Variants in MEI4 observed in about 807,000 individuals in gnomAD.
MEI4 encodes meiotic double-stranded break formation protein 4.
Under a neutral mutation model 31.4 loss-of-function variants are expected in MEI4, and 27 were observed. That is an observed-to-expected ratio of 0.86 (90% CI 0.63 to 1.19). The LOEUF (loss-of-function observed/expected upper bound fraction) is 1.19. MEI4 is among the 50% of genes most tolerant of loss of function. The probability of loss-of-function intolerance (pLI) is 0.00; values close to 1 mark genes in which losing one functional copy is unlikely to be tolerated. For synonymous variants in MEI4, 122 were observed against 145.4 expected, an observed-to-expected ratio of 0.84 and a Z score of 1.16; for missense variants, 329 against 398.9, an observed-to-expected ratio of 0.82 and a Z score of 1.49.
At chr6:77,805,973 G>T (rs1195151516) in intron 3 of MEI4, among the ~76,000 whole-genome samples, 1 of 152,034 alleles carries the variant, frequency 6.6e-6, no homozygotes, top group Non-Finnish European at 1.5e-5. Context: ...AGGATGTAAA[G>T]AATATTTCTT....
intron 4 of MEI4, among the ~76,000 whole-genome samples, chr6:77,863,957 A>T (rs975068444): frequency 1.3e-5 from 2 of 152,230 alleles, no homozygotes; most frequent in Admixed American, 1.3e-4. Context: ...TTTTGAACCC[A>T]GAATTTCATA....
At chr6:77,850,505 C>G (rs1051645699) in intron 4 of MEI4, among the ~76,000 whole-genome samples, 1 of 151,976 alleles carries the variant, frequency 6.6e-6, no homozygotes, top group South Asian at 2.1e-4. Context: ...ATCTGATCTC[C>G]GACAAACCTG....
At chr6:77,659,350 C>T (rs1768458357) in intron 1 of MEI4, among the ~76,000 whole-genome samples, 1 of 152,102 alleles carries the variant, frequency 6.6e-6, no homozygotes, top group East Asian at 1.9e-4. Flanking sequence ...GGTAGAGGAT[C>T]CACAGAGGAA....
chr6:77,907,781 C>G (rs1382856112), intron 4 of MEI4, among the ~76,000 whole-genome samples: 2 of 152,118 alleles, frequency 1.3e-5, no homozygotes, highest in African/African-American at 2.4e-5. Context: ...TAAAAGTGCT[C>G]CTATTTCTCC....
At chr6:77,809,418 A>G (rs981599362) in intron 3 of MEI4, among the ~76,000 whole-genome samples, 1 of 152,196 alleles carries the variant, frequency 6.6e-6, no homozygotes, top group African/African-American at 2.4e-5. Flanking sequence ...GATGGGTTGT[A>G]ATTTCTTTAT....
At chr6:77,752,793 T>A (rs1767809855) in intron 2 of MEI4, among the ~76,000 whole-genome samples, 1 of 151,268 alleles carries the variant, frequency 6.6e-6, no homozygotes. Context: ...AGAGCCCACA[T>A]AGCCAAGACA....
rs201591018 is a variant in MEI4, at chr6:77,701,541, TTAAG to T, written c.232+10641_232+10644del. 2.6e-3 allele frequency among the ~76,000 whole-genome samples: 394 copies of T among 152,162 alleles called. 2 individuals are homozygous for T. The highest frequency in any genetic ancestry group is 8.2e-3 in the African/African-American group (339 of 41,502). ...GGTATGTGCCTTTTCGCCTGCAACT[TTAAG>T]TAGTTAATATATTCATAAATCATAG... On this transcript the variant is annotated intron_variant, in intron 2 of 4. Coordinates refer to ENST00000684080, the MANE Select transcript of MEI4 (RefSeq NM_001322247.2).
At position 77,847,549 on chromosome 6, in the gene MEI4, T is replaced by C. The variant is rs2127717049; in HGVS notation, c.900+18487T>C. Among the ~76,000 whole-genome samples the C allele has an allele frequency of 6.6e-6, 1 of 152,306 alleles. No homozygotes were observed. Among genetic ancestry groups the C allele is most frequent in the East Asian group, 1.9e-4 (1 of 5,180 alleles). ...TACTGATTGTTTTTCTCTTGTTTCC[T>C]GTGGCAAGTAAAATATATTTGTTCA... is the stretch of plus-strand genomic sequence containing the variant. On this transcript the variant is annotated intron_variant, in intron 4 of 4. Transcript: ENST00000684080. This position sits in a 1 kb window ranked among gnomAD's most constrained non-coding sequence, Gnocchi z 4.6.
In MEI4 at chr6:77,805,510, T is replaced by A. The variant is rs140536830; in HGVS notation, c.769-23421T>A. ...GCTCAAGGTCTAAAAAGAATAGGAG[T>A]TGAATTTTAAATTCTACTTTCTATT... On this transcript the variant is annotated intron_variant, in intron 3 of 4. Transcript: ENST00000684080. Among the ~76,000 whole-genome samples, 212 of 152,180 alleles carry A rather than the reference T, an allele frequency of 1.4e-3. 1 individual carries two copies. Among genetic ancestry groups the A allele is most frequent in the African/African-American group, 4.5e-3 (186 of 41,554 alleles).
chr6:77,865,663 G>T (rs1771005735), intron 4 of MEI4, among the ~76,000 whole-genome samples: 1 of 152,124 alleles, frequency 6.6e-6, no homozygotes, highest in African/African-American at 2.4e-5. Context: ...AGGAGGAGCT[G>T]GTACCATTCC....
chr6:77,652,379 T>C (rs140556433), upstream of MEI4, among the ~76,000 whole-genome samples: 1 of 152,210 alleles, frequency 6.6e-6, no homozygotes, highest in African/African-American at 2.4e-5. Context: ...AATGGGGGTT[T>C]GCAAGTGGTC....
chr6:77,734,698 G>C (rs1297059469), intron 2 of MEI4, among the ~76,000 whole-genome samples: 1 of 151,676 alleles, frequency 6.6e-6, no homozygotes, highest in African/African-American at 2.4e-5. Flanking sequence ...TGGTTATTTT[G>C]CTCGTTAGTT....
At chr6:77,797,184 T>G (rs1377482436) in intron 3 of MEI4, among the ~76,000 whole-genome samples, 1 of 152,164 alleles carries the variant, frequency 6.6e-6, no homozygotes, top group Non-Finnish European at 1.5e-5. Flanking sequence ...TACTCATAAA[T>G]TAAGTCTGAA....
intron 4 of MEI4, among the ~76,000 whole-genome samples, chr6:77,916,607 C>T (rs1457376712): frequency 6.6e-6 from 1 of 151,948 alleles, no homozygotes; most frequent in Non-Finnish European, 1.5e-5. Flanking sequence ...TATTCCAAAT[C>T]TTTGTTGTCA....
At chr6:77,903,308 A>G (rs9361309) in intron 4 of MEI4, among the ~76,000 whole-genome samples, 21,336 of 151,972 alleles carry the variant, frequency 0.14, 1,781 homozygotes, top group East Asian at 0.39. Context: ...CAACCATTCT[A>G]TTTTTCACTT....
intron 4 of MEI4, among the ~76,000 whole-genome samples, chr6:77,851,371 T>A (rs982798167): frequency 1.3e-5 from 2 of 151,756 alleles, no homozygotes; most frequent in African/African-American, 2.4e-5. Flanking sequence ...AATAGCAAAG[T>A]CTTGGAACCA....
At chr6:77,669,921 C>T (rs1768707514) in intron 1 of MEI4, among the ~76,000 whole-genome samples, 1 of 152,188 alleles carries the variant, frequency 6.6e-6, no homozygotes, top group South Asian at 2.1e-4. Context: ...TGCCACACAA[C>T]TTTGTCCAGG....
At chr6:77,691,917 A>G (rs1218456025) in intron 2 of MEI4, among the ~76,000 whole-genome samples, 2 of 81,320 alleles carry the variant, frequency 2.5e-5, no homozygotes, top group Admixed American at 1.4e-4. Flanking sequence ...GGCAAGTTAG[A>G]AAAAAAAACA....
chr6:77,731,127 C>T (rs1174128359), intron 2 of MEI4, among the ~76,000 whole-genome samples: 1 of 151,800 alleles, frequency 6.6e-6, no homozygotes, highest in Non-Finnish European at 1.5e-5. Context: ...ATTTATAATC[C>T]TTTGGGTACA....
Sources: gnomAD v4.1 joint callset for allele counts (sites outside exome capture counted in the v4.1 genomes callset) on GRCh38, gnomAD v4.1.1 for gene constraint, Gnocchi (gnomAD v3.1) non-coding constraint, MANE v1.5 for transcripts, NCBI Gene and HGNC (gene_info 2026-07-23, HGNC 2026-07-21) for gene names.